The following ARHGEF10 variants were observed in gnomAD, a reference collection of about 807,000 sequenced individuals.
ARHGEF10 encodes Rho guanine nucleotide exchange factor (GEF) 10.
Under a neutral mutation model 147.4 loss-of-function variants are expected in ARHGEF10, and 140 were observed. The observed-to-expected ratio is 0.95, with a 90% CI of 0.83 to 1.09. ARHGEF10 has a LOEUF of 1.09. Ranked by LOEUF, ARHGEF10 falls within the 50% of genes least tolerant of loss-of-function variation. The pLI is 0.00. For synonymous variants in ARHGEF10, 902 were observed against 695.8 expected, an observed-to-expected ratio of 1.30 and a Z score of -4.67; for missense variants, 2,222 against 1,752.7, an observed-to-expected ratio of 1.27 and a Z score of -4.78.
intron 15 of ARHGEF10, among the ~76,000 whole-genome samples, chr8:1,899,282 G>A (rs927572535): frequency 1.3e-5 from 2 of 152,226 alleles, no homozygotes; most frequent in African/African-American, 4.8e-5. Context: ...TTAAATGAAT[G>A]CCATGCCTCC....
intron 21 of ARHGEF10, 105 bp downstream of exon 21, chr8:1,923,979 ATGCAT>A: frequency 9.5e-7 from 1 of 1,057,250 alleles, no homozygotes; most frequent in Non-Finnish European, 1.4e-6. Flanking sequence ...CAGTAGATCC[ATGCAT>A]TGACCTGAAA....
rs755917125 is a variant in ARHGEF10, at chr8:1,866,553, C to G, written c.573C>G (p.Ser191Arg). 4 of 1,609,678 alleles carry G rather than the reference C, an allele frequency of 2.5e-6. No individual in the cohort carries two copies. The highest frequency in any genetic ancestry group is 2.5e-6 in the Non-Finnish European group (3 of 1,179,954). The change falls in exon 6 of 29, where the codon AGC becomes AGG. Residue 191 changes from serine (S) to arginine (R), a missense_variant. By Grantham distance (110) the Ser-to-Arg change is moderately radical (BLOSUM62 -1). Coordinates refer to ENST00000349830, the MANE Select transcript of ARHGEF10 (RefSeq NM_014629.4). ...AAGATCAAGTCGGTCGAGAGGACAG[C>G]GCACTTGCCCGCTGGGCCGCAGACC... The part of the protein sequence containing the change: ...TSEDQVGRED[S>R]ALARWAADPA...
At chr8:1,919,455 TCC>T (rs1812041447) in intron 18 of ARHGEF10, among the ~76,000 whole-genome samples, 1 of 149,466 alleles carries the variant, frequency 6.7e-6, no homozygotes, top group African/African-American at 2.5e-5. Context: ...ATGGAGCTGT[TCC>T]ATGGGTGATG....
intron 1 of ARHGEF10, among the ~76,000 whole-genome samples, chr8:1,826,542 G>A (rs950001921): frequency 2.0e-5 from 3 of 152,148 alleles, no homozygotes; most frequent in African/African-American, 7.2e-5. Flanking sequence ...GGCCCTGTGA[G>A]TCCAGACTTC....
chr8:1,871,643 C>T (rs1807136209), intron 7 of ARHGEF10, among the ~76,000 whole-genome samples: 1 of 152,108 alleles, frequency 6.6e-6, no homozygotes, highest in African/African-American at 2.4e-5. Flanking sequence ...GATGGTGAAA[C>T]CCCATCTCTA....
At chr8:1,883,632 TA>T (rs1479164739) in intron 10 of ARHGEF10, among the ~76,000 whole-genome samples, 1 of 152,044 alleles carries the variant, frequency 6.6e-6, no homozygotes, top group Non-Finnish European at 1.5e-5. Flanking sequence ...AAGGTGGGGG[TA>T]AGCTGTCAGC....
chr8:1,828,072 CAGAA>C (rs753119844), intron 1 of ARHGEF10, among the ~76,000 whole-genome samples: 4 of 152,182 alleles, frequency 2.6e-5, no homozygotes, highest in Non-Finnish European at 5.9e-5. Flanking sequence ...ATGAAGAAAA[CAGAA>C]GGAATGGTTG....
chr8:1,938,976 G>A lies in ARHGEF10; in HGVS notation c.3222+5034G>A, dbSNP rs1349682933. On this transcript the variant is annotated intron_variant, in intron 26 of 28. Transcript: ENST00000349830. The stretch of plus-strand genomic sequence containing the variant: ...GAAACCCCCGAACACTGGAATCCCA[G>A]CCCCCAGAGACCCCCGAACACTGTT... Among the ~76,000 whole-genome samples, 3 of 119,898 alleles carry A rather than the reference G, an allele frequency of 2.5e-5. No homozygotes were observed. The East Asian group carries it at 6.9e-4, about 28-fold the overall frequency. 78.7% of individuals were successfully genotyped at this position (119,898 alleles called of 152,430 possible).
intron 22 of ARHGEF10, among the ~76,000 whole-genome samples, chr8:1,926,009 CCT>C (rs1415288033): frequency 6.6e-6 from 1 of 152,236 alleles, no homozygotes; most frequent in Non-Finnish European, 1.5e-5. Context: ...GCACAGGACT[CCT>C]CTGGGAGAGG....
intron 11 of ARHGEF10, 30 bp downstream of exon 11, chr8:1,885,737 T>C: frequency 1.1e-5 from 16 of 1,493,248 alleles, no homozygotes; most frequent in Non-Finnish European, 1.5e-5. Context: ...CAGGGGCTGT[T>C]GACCAGCAGA....
At position 1,860,105 on chromosome 8, in the gene ARHGEF10, G is replaced by A. The variant is rs780705394; in HGVS notation, c.402G>A (p.Ala134=). The part of the protein sequence containing the change: ...GYLVPVPCGY[A]VPSNLPLLLP... ...TGGTGCCTGTACCCTGCGGCTATGC[G>A]GTGCCCTCCAACCTGCCCCTCCTGC... The change falls in exon 4 of 29, where the codon GCG becomes GCA. Residue 134 remains alanine, a synonymous_variant. Coordinates refer to ENST00000349830, the MANE Select transcript of ARHGEF10 (RefSeq NM_014629.4). The A allele has an allele frequency of 1.2e-5, 19 of 1,613,912 alleles. No individual in the cohort carries two copies. The highest frequency in any genetic ancestry group is 3.3e-5 in the Admixed American group (2 of 59,990).
intron 26 of ARHGEF10, among the ~76,000 whole-genome samples, chr8:1,934,626 G>A (rs965009309): frequency 5.9e-5 from 9 of 152,214 alleles, no homozygotes; most frequent in African/African-American, 1.7e-4. Flanking sequence ...CAGGAGACAA[G>A]TGGGCAGCCG....
intron 11 of ARHGEF10, among the ~76,000 whole-genome samples, chr8:1,889,846 G>C (rs1348030971): frequency 7.1e-6 from 1 of 141,394 alleles, no homozygotes; most frequent in Non-Finnish European, 1.5e-5. Flanking sequence ...GGTGGGGTGA[G>C]GTTTGTGAGG....
intron 13 of ARHGEF10, 23 bp from the exon 14 acceptor site, chr8:1,896,310 C>T (rs1253134962): frequency 1.9e-6 from 3 of 1,540,046 alleles, no homozygotes; most frequent in African/African-American, 1.4e-5. Context: ...TGATTTCTCT[C>T]TGAATTTCCT....
intron 26 of ARHGEF10, among the ~76,000 whole-genome samples, chr8:1,942,666 C>G (rs1426771013): frequency 6.6e-6 from 1 of 152,112 alleles, no homozygotes; most frequent in Non-Finnish European, 1.5e-5. Context: ...TATTTATAGT[C>G]AAAAAGCGGA....
chr8:1,878,166 CG>C (rs1208273356), intron 8 of ARHGEF10, among the ~76,000 whole-genome samples: 3 of 150,566 alleles, frequency 2.0e-5, no homozygotes, highest in African/African-American at 7.4e-5. Context: ...TTTAAACAAC[CG>C]ATGAAGCTGC....
intron 26 of ARHGEF10, 72 bp downstream of exon 26, chr8:1,934,014 C>T (rs983978057): frequency 1.1e-4 from 174 of 1,595,640 alleles, no homozygotes; most frequent in Non-Finnish European, 1.4e-4. Flanking sequence ...CTTCTGGTGC[C>T]GAAGTCAAGG....
intron 2 of ARHGEF10, among the ~76,000 whole-genome samples, chr8:1,857,175 G>A (rs1805613363): frequency 6.6e-6 from 1 of 152,146 alleles, no homozygotes; most frequent in African/African-American, 2.4e-5. Flanking sequence ...GTTCATATTT[G>A]ACACTGATTT....
At chr8:1,854,887 C>CATACCTGTACCTGGCA (rs1805433505) in intron 2 of ARHGEF10, among the ~76,000 whole-genome samples, 1 of 152,152 alleles carries the variant, frequency 6.6e-6, no homozygotes, top group South Asian at 2.1e-4. Context: ...GCATGCGGTT[C>CATACCTGTACCTGGCA]TTCTCAGGGT....
Sources: gnomAD v4.1 joint callset for allele counts (sites outside exome capture counted in the v4.1 genomes callset) on GRCh38, gnomAD v4.1.1 for gene constraint, MANE v1.5 for transcripts, NCBI Gene and HGNC (gene_info 2026-07-23, HGNC 2026-07-21) for gene names.